The following ZNF385B variants were observed in gnomAD, a reference collection of about 807,000 sequenced individuals.
ZNF385B encodes zinc finger protein 385B, also known as zinc finger protein 533.
In ZNF385B, 23 loss-of-function variants were observed where a neutral mutation model predicts 39.2. That is an observed-to-expected ratio of 0.59 (90% CI 0.42 to 0.83). ZNF385B has a LOEUF of 0.83. Ranked by LOEUF, ZNF385B falls within the 40% of genes least tolerant of loss-of-function variation. The probability of loss-of-function intolerance (pLI) is 0.00; values close to 1 mark genes in which losing one functional copy is unlikely to be tolerated. For synonymous variants in ZNF385B, 205 were observed against 222.6 expected, an observed-to-expected ratio of 0.92 and a Z score of 0.70; for missense variants, 552 against 598.9, an observed-to-expected ratio of 0.92 and a Z score of 0.82.
chr2:179,711,577 G>T (rs1386454371), intron 3 of ZNF385B, among the ~76,000 whole-genome samples: 1 of 152,082 alleles, frequency 6.6e-6, no homozygotes, highest in Admixed American at 6.6e-5. Context: ...CCAAGCTAAA[G>T]AATCTGGGAG....
At chr2:179,467,509 G>C (rs116476704) in intron 6 of ZNF385B, among the ~76,000 whole-genome samples, 1 of 152,154 alleles carries the variant, frequency 6.6e-6, no homozygotes, top group East Asian at 1.9e-4. Flanking sequence ...GAGTAGCCAA[G>C]GACAGACATG....
chr2:179,467,350 C>A (rs1041249374), intron 6 of ZNF385B, among the ~76,000 whole-genome samples: 1 of 152,152 alleles, frequency 6.6e-6, no homozygotes, highest in Non-Finnish European at 1.5e-5. Context: ...CATAGGATTT[C>A]CTGTTGGAAA....
chr2:179,730,544 G>C (rs956882235), intron 3 of ZNF385B, among the ~76,000 whole-genome samples: 55 of 152,252 alleles, frequency 3.6e-4, no homozygotes, highest in African/African-American at 1.2e-3. Context: ...TAGCTAGCTT[G>C]GAAGTCTATG....
intron 3 of ZNF385B, among the ~76,000 whole-genome samples, chr2:179,700,095 CA>C (rs11413272): frequency 1.1e-4 from 16 of 148,126 alleles, no homozygotes; most frequent in Non-Finnish European, 1.3e-4. Flanking sequence ...CAGATCTTGC[CA>C]AAAAAAAAAG....
chr2:179,854,079 T>A (rs1419757379), intron 1 of ZNF385B, among the ~76,000 whole-genome samples: 7 of 152,322 alleles, frequency 4.6e-5, no homozygotes, highest in Admixed American at 2.6e-4. Context: ...TGTATTTATA[T>A]ACCAGTATGT....
chr2:179,456,035 A>C (rs1436837254), intron 6 of ZNF385B, among the ~76,000 whole-genome samples: 1 of 152,214 alleles, frequency 6.6e-6, no homozygotes, highest in Non-Finnish European at 1.5e-5. Context: ...ACAATGACAA[A>C]ATAGCCTAAA....
intron 3 of ZNF385B, among the ~76,000 whole-genome samples, chr2:179,618,011 A>C (rs1188798575): frequency 6.6e-6 from 1 of 152,094 alleles, no homozygotes; most frequent in Admixed American, 6.6e-5. Flanking sequence ...ATTATTACTC[A>C]TGTCTGCCAA....
intron 3 of ZNF385B, chr2:179,584,165 G>T (rs1391448441): frequency 2.5e-6 from 1 of 396,370 alleles, no homozygotes; most frequent in African/African-American, 2.1e-5. Context: ...CAGTGTTGTG[G>T]GGTGCTATGC....
chr2:179,578,137 A>G (rs1686052795), intron 3 of ZNF385B, among the ~76,000 whole-genome samples: 1 of 152,102 alleles, frequency 6.6e-6, no homozygotes. Context: ...ATATTTATGT[A>G]TGTTGCACAT....
intron 5 of ZNF385B, among the ~76,000 whole-genome samples, chr2:179,502,082 C>T (rs1247154326): frequency 1.3e-5 from 2 of 152,138 alleles, no homozygotes; most frequent in Non-Finnish European, 2.9e-5. Flanking sequence ...GTGCCTATAG[C>T]CCCTTTGTTT....
rs150174501 is a variant in ZNF385B at position 179,563,972 on chromosome 2, T to G, written c.299-19003A>C. 5.0e-4 allele frequency among the ~76,000 whole-genome samples: 76 copies of G among 152,284 alleles called. 1 individual carries two copies. The highest frequency in any genetic ancestry group is 1.8e-3 in the African/African-American group (74 of 41,570). On this transcript the variant is annotated intron_variant, in intron 3 of 9. Transcript: ENST00000410066. The stretch of plus-strand genomic sequence containing the variant: ...GTATTTTTTCTAGAACATTTCCCGG[T>G]CTGGAATACTAGTGCATCCTTGAAC...
intron 1 of ZNF385B, among the ~76,000 whole-genome samples, chr2:179,860,437 T>C (rs1684951952): frequency 6.6e-6 from 1 of 152,110 alleles, no homozygotes; most frequent in Non-Finnish European, 1.5e-5. Flanking sequence ...GCGAAACAGA[T>C]GGTCCTCCCC....
chr2:179,763,312 C>T (rs1018891425), intron 3 of ZNF385B, among the ~76,000 whole-genome samples: 4 of 152,128 alleles, frequency 2.6e-5, no homozygotes, highest in African/African-American at 9.7e-5. Flanking sequence ...TTAGTATTTG[C>T]TTATTATATT....
At chr2:179,798,227 G>A (rs958885380) in intron 1 of ZNF385B, among the ~76,000 whole-genome samples, 1 of 151,838 alleles carries the variant, frequency 6.6e-6, no homozygotes, top group Admixed American at 6.6e-5. Flanking sequence ...CACAAATCTA[G>A]TAGCCTTTAT....
chr2:179,852,940 G>A (rs1405331673), intron 1 of ZNF385B, among the ~76,000 whole-genome samples: 1 of 152,130 alleles, frequency 6.6e-6, no homozygotes, highest in East Asian at 1.9e-4. Context: ...AGACCACTGT[G>A]CAAAAGAGGA....
At chr2:179,751,556 A>G (rs567869034) in intron 3 of ZNF385B, among the ~76,000 whole-genome samples, 1 of 152,186 alleles carries the variant, frequency 6.6e-6, no homozygotes, top group Non-Finnish European at 1.5e-5. Flanking sequence ...TTTAAGAGTT[A>G]TAATACCTAT....
At chr2:179,662,186 G>A (rs1306830670) in intron 3 of ZNF385B, among the ~76,000 whole-genome samples, 1 of 152,120 alleles carries the variant, frequency 6.6e-6, no homozygotes, top group African/African-American at 2.4e-5. Context: ...ACAAGTGGAG[G>A]AAGCTGTGGT....
chr2:179,459,143 A>T (rs1286992200), intron 6 of ZNF385B, among the ~76,000 whole-genome samples: 1 of 152,234 alleles, frequency 6.6e-6, no homozygotes, highest in African/African-American at 2.4e-5. Flanking sequence ...TGATTCCCAG[A>T]AGAATTAATG....
chr2:179,671,058 A>T (rs965482961), intron 3 of ZNF385B, among the ~76,000 whole-genome samples: 1 of 152,242 alleles, frequency 6.6e-6, no homozygotes, highest in Non-Finnish European at 1.5e-5. Flanking sequence ...AGCACTTGCA[A>T]CAGTGACTGG....
Sources: allele counts gnomAD v4.1 joint callset (sites outside exome capture counted in the v4.1 genomes callset), GRCh38; gene constraint gnomAD v4.1.1; transcripts MANE v1.5; gene names NCBI Gene and HGNC (gene_info 2026-07-23, HGNC 2026-07-21).